Variants in CCDC91 observed in about 807,000 individuals in gnomAD.
The protein encoded by CCDC91 is coiled-coil domain-containing protein 91.
In CCDC91, 48 loss-of-function variants were observed where a neutral mutation model predicts 63.2. That is an observed-to-expected ratio of 0.76 (90% CI 0.60 to 0.97). CCDC91 has a LOEUF of 0.97. Ranked by LOEUF, CCDC91 falls within the 50% of genes least tolerant of loss-of-function variation. The pLI is 0.00. For missense variants in CCDC91, 500 were observed against 494.6 expected (o/e 1.01, Z -0.10); for synonymous variants, 167 against 165.8 (o/e 1.01, Z -0.06).
At chr12:28,444,121 CT>C (rs1252522310) in intron 8 of CCDC91, among the ~76,000 whole-genome samples, 2 of 152,234 alleles carry the variant, frequency 1.3e-5, no homozygotes, top group Non-Finnish European at 1.5e-5. Flanking sequence ...TAATGTGCCC[CT>C]GATGGAATTG....
chr12:28,201,509 T>A (rs4134411), intron 1 of CCDC91, among the ~76,000 whole-genome samples: 2 of 123,182 alleles, frequency 1.6e-5, no homozygotes, highest in South Asian at 5.2e-4. Flanking sequence ...CTAGATGGGA[T>A]GGCGGCCGGG....
intron 8 of CCDC91, among the ~76,000 whole-genome samples, chr12:28,443,518 T>A (rs1949341875): frequency 6.6e-6 from 1 of 152,070 alleles, no homozygotes; most frequent in Admixed American, 6.5e-5. Context: ...ATAAATACAC[T>A]GAGAGCCTCT....
chr12:28,201,105 C>T (rs2884647), intron 1 of CCDC91, among the ~76,000 whole-genome samples: 7 of 149,314 alleles, frequency 4.7e-5, no homozygotes, highest in Non-Finnish European at 9.0e-5. Flanking sequence ...ACCTCCCGGA[C>T]GGGGCGGCTG....
rs943790655 is a variant in CCDC91, at chr12:28,233,770, AT to A, written c.-14-23422del. On this transcript the variant is annotated intron_variant, in intron 1 of 12. Coordinates refer to ENST00000536442, the MANE Select transcript of CCDC91 (RefSeq NM_018318.5). ...ATTCTTACTTAGTTTTTAAACTCAC[AT>A]TTTTTTTTTCGTATTGTTAGATAAG... Among the ~76,000 whole-genome samples, 22 of 148,758 alleles carry A rather than the reference AT, an allele frequency of 1.5e-4. 1 individual carries two copies. The highest frequency in any genetic ancestry group is 4.9e-4 in the African/African-American group (20 of 40,674).
At chr12:28,439,711 G>GTT (rs996015082) in intron 8 of CCDC91, among the ~76,000 whole-genome samples, 1 of 144,574 alleles carries the variant, frequency 6.9e-6, no homozygotes, top group African/African-American at 2.5e-5. Context: ...GAAAGAAGAG[G>GTT]TTTTTTTTTT....
chr12:28,353,267 C>G (rs1311351128), intron 6 of CCDC91, among the ~76,000 whole-genome samples: 2 of 152,222 alleles, frequency 1.3e-5, no homozygotes, highest in African/African-American at 4.8e-5. Flanking sequence ...AATGTTGTGG[C>G]TGTTTCAGTC....
chr12:28,386,806 T>A (rs1397294318), intron 7 of CCDC91, among the ~76,000 whole-genome samples: 4 of 152,244 alleles, frequency 2.6e-5, no homozygotes, highest in African/African-American at 4.8e-5. Flanking sequence ...CTGCCCTTGA[T>A]AGCATTCTTT....
chr12:28,472,474 G>T (rs1307999539), intron 11 of CCDC91, among the ~76,000 whole-genome samples: 1 of 152,080 alleles, frequency 6.6e-6, no homozygotes, highest in Non-Finnish European at 1.5e-5. Flanking sequence ...AAGTATAATG[G>T]ATTACAATTT....
chr12:28,352,935 C>G (rs1943278294), intron 6 of CCDC91, among the ~76,000 whole-genome samples: 2 of 152,186 alleles, frequency 1.3e-5, no homozygotes, highest in South Asian at 4.1e-4. Context: ...TCATTGACTT[C>G]TTCCCTCTGG....
At chr12:28,247,683 G>A (rs1945843813) in intron 1 of CCDC91, among the ~76,000 whole-genome samples, 1 of 152,080 alleles carries the variant, frequency 6.6e-6, no homozygotes, top group African/African-American at 2.4e-5. Flanking sequence ...CTTGCTTAGG[G>A]TGAAAGTATT....
intron 11 of CCDC91, among the ~76,000 whole-genome samples, chr12:28,469,987 A>G (rs1950732494): frequency 6.6e-6 from 1 of 152,194 alleles, no homozygotes; most frequent in African/African-American, 2.4e-5. Context: ...CCACTTCAAG[A>G]AAACATTAGG....
chr12:28,370,957 C>A (rs1233165743), intron 7 of CCDC91, among the ~76,000 whole-genome samples: 1 of 152,084 alleles, frequency 6.6e-6, no homozygotes, highest in Admixed American at 6.5e-5. Context: ...AGGCCCTTCC[C>A]CTGACATGTG....
At chr12:28,264,383 A>G in intron 3 of CCDC91, among the ~76,000 whole-genome samples, 1 of 106,330 alleles carries the variant, frequency 9.4e-6, no homozygotes. Flanking sequence ...TTTTTTGGCT[A>G]AGAAATCTCT....
intron 12 of CCDC91, among the ~76,000 whole-genome samples, chr12:28,542,773 C>A (rs934512510): frequency 7.2e-5 from 11 of 152,154 alleles, no homozygotes; most frequent in African/African-American, 2.6e-4. Flanking sequence ...CCCAAACTTA[C>A]TTGACTTAAA....
intron 1 of CCDC91, among the ~76,000 whole-genome samples, chr12:28,208,921 C>T (rs777658677): frequency 2.0e-5 from 3 of 152,114 alleles, no homozygotes; most frequent in Non-Finnish European, 4.4e-5. Context: ...CTGCTTCAGC[C>T]TCCTGAGTAG....
intron 8 of CCDC91, among the ~76,000 whole-genome samples, chr12:28,431,106 C>T (rs1426636948): frequency 6.6e-6 from 1 of 152,044 alleles, no homozygotes; most frequent in African/African-American, 2.4e-5. Flanking sequence ...TTATATATCA[C>T]ACACACACAT....
chr12:28,398,888 C>T (rs1200906838), intron 8 of CCDC91, among the ~76,000 whole-genome samples: 2 of 152,142 alleles, frequency 1.3e-5, no homozygotes, highest in African/African-American at 4.8e-5. Flanking sequence ...ATTCCAGATA[C>T]AAATCCTTTG....
In CCDC91 at chr12:28,501,282, G is replaced by C. The variant is rs546652356; in HGVS notation, c.1215+17117G>C. Among the ~76,000 whole-genome samples, 3 of 151,958 alleles carry C rather than the reference G, an allele frequency of 2.0e-5. No individual in the cohort carries two copies. In the South Asian group the frequency reaches 6.2e-4, roughly 32 times the overall value. On this transcript the variant is annotated intron_variant, in intron 12 of 12. Transcript: ENST00000536442. ...GTGAGAGAGGGCATCCATGTCTTGTGCCAGTTTTCAAAGGGAATGCTTCCA... is the reference window on the plus strand; with the variant it reads ...GTGAGAGAGGGCATCCATGTCTTGTCCCAGTTTTCAAAGGGAATGCTTCCA...
At chr12:28,432,059 ATTTCTTTT>A (rs1948657175) in intron 8 of CCDC91, among the ~76,000 whole-genome samples, 1 of 151,656 alleles carries the variant, frequency 6.6e-6, no homozygotes, top group South Asian at 2.1e-4. Flanking sequence ...TTGATAGATG[ATTTCTTTT>A]TTTCTTTTTT....
Sources: gnomAD v4.1 joint callset for allele counts (sites outside exome capture counted in the v4.1 genomes callset) on GRCh38, gnomAD v4.1.1 for gene constraint, MANE v1.5 for transcripts, NCBI Gene and HGNC (gene_info 2026-07-23, HGNC 2026-07-21) for gene names.